The following BPGM variants were observed in gnomAD, a reference collection of about 807,000 sequenced individuals.
The protein encoded by BPGM is 2,3-bisphosphoglycerate mutase, erythrocyte.
A neutral mutation model predicts 21.6 loss-of-function variants in BPGM; 15 were observed. The ratio of observed to expected loss-of-function variants is 0.70; its 90% confidence interval spans 0.47 to 1.07. BPGM has a LOEUF of 1.07. BPGM is among the 50% of genes least tolerant of loss of function. The probability of loss-of-function intolerance (pLI) is 0.00; values close to 1 mark genes in which losing one functional copy is unlikely to be tolerated. For missense variants in BPGM, 273 were observed against 319.0 expected, an observed-to-expected ratio of 0.86 and a Z score of 1.10; for synonymous variants, 113 against 116.2, an observed-to-expected ratio of 0.97 and a Z score of 0.18.
chr7:134,679,132 A>G lies in BPGM; in HGVS notation c.*101A>G. Reference sequence around the variant, plus strand: ...TCTTTTTCCCCGATTTTCCAGAGCTAGGCTGTGGAGTAGAGTTTGTATAGG... The same window carrying G: ...TCTTTTTCCCCGATTTTCCAGAGCTGGGCTGTGGAGTAGAGTTTGTATAGG... On this transcript the variant is annotated 3_prime_UTR_variant, in exon 3 of 3. Transcript: ENST00000344924. The G allele has an allele frequency of 3.7e-6, 5 of 1,348,762 alleles. No individual in the cohort carries two copies. The highest frequency in any genetic ancestry group is 5.2e-6 in the Non-Finnish European group (5 of 968,934). 83.5% of individuals were successfully genotyped at this position (1,348,762 alleles called of 1,614,324 possible). A position where few individuals can be genotyped will look rare whatever the true frequency, so the allele number is the denominator to read the frequency against.
Position 134,661,992 on chromosome 7 carries a change from T to C in BPGM, c.485T>C (p.Leu162Pro). Residue 162 changes from leucine (L) to proline (P), a missense_variant, in exon 2 of 3, where the codon CTG becomes CCG. Leu to Pro is a moderately conservative substitution (Grantham distance 98). Coordinates refer to ENST00000344924, the MANE Select transcript of BPGM (RefSeq NM_001724.5). The surrounding 1 kb of genome is among the most constrained non-coding windows in gnomAD (Gnocchi z 4.6). ...CGGTCGGAAAGCTTAAAGGATGTTC[T>C]GGAGAGACTCCTTCCCTATTGGAAT... ...LPRSESLKDVLERLLPYWNER... is the reference protein window; with the variant it reads ...LPRSESLKDVPERLLPYWNER... The C allele has an allele frequency of 2.5e-6, 4 of 1,614,188 alleles. No homozygotes were observed. Among genetic ancestry groups the C allele is most frequent in the Non-Finnish European group, 3.4e-6 (4 of 1,180,026 alleles).
chr7:134,655,734 A>G (rs1404969436), intron 1 of BPGM, among the ~76,000 whole-genome samples: 2 of 152,176 alleles, frequency 1.3e-5, no homozygotes, highest in Non-Finnish European at 2.9e-5. Context: ...GTTACCACTA[A>G]AACTCTCAAG....
chr7:134,651,540 G>T (rs1486721342), intron 1 of BPGM, among the ~76,000 whole-genome samples: 1 of 152,070 alleles, frequency 6.6e-6, no homozygotes, highest in African/African-American at 2.4e-5. Flanking sequence ...TTTAATGAAG[G>T]AGTAGGAAGC....
chr7:134,656,486 T>G (rs59575083), intron 1 of BPGM, among the ~76,000 whole-genome samples: 22,139 of 152,212 alleles, frequency 0.15, 1,865 homozygotes, highest in African/African-American at 0.21. Context: ...GGAAAGAGGT[T>G]TAAATGATTC....
chr7:134,663,308 G>A (rs1191140169), intron 2 of BPGM, among the ~76,000 whole-genome samples: 1 of 152,100 alleles, frequency 6.6e-6, no homozygotes, highest in Non-Finnish European at 1.5e-5. Context: ...GTCATGCAGA[G>A]ACCTAAAATC....
chr7:134,664,973 T>C (rs1795792200), intron 2 of BPGM, among the ~76,000 whole-genome samples: 1 of 152,200 alleles, frequency 6.6e-6, no homozygotes, highest in African/African-American at 2.4e-5. Flanking sequence ...TGCTGATGGG[T>C]ACAGAGTTTC....
chr7:134,647,827 T>C (rs1562965342), intron 1 of BPGM, among the ~76,000 whole-genome samples: 1 of 152,232 alleles, frequency 6.6e-6, no homozygotes, highest in Non-Finnish European at 1.5e-5. Context: ...GGAGTCTCGC[T>C]CTGTCGCCCA....
chr7:134,659,393 GT>G (rs1795694063), intron 1 of BPGM, among the ~76,000 whole-genome samples: 3 of 117,032 alleles, frequency 2.6e-5, no homozygotes, highest in Non-Finnish European at 5.5e-5. Context: ...GTGTGTGTGT[GT>G]GTGTGTGTGT....
At chr7:134,677,302 A>G (rs1412081708) in intron 2 of BPGM, among the ~76,000 whole-genome samples, 1 of 151,984 alleles carries the variant, frequency 6.6e-6, no homozygotes. Flanking sequence ...AGGTCCAGAG[A>G]AGTTACTTGC....
chr7:134,668,284 C>T (rs1021996393), intron 2 of BPGM, among the ~76,000 whole-genome samples: 11 of 152,292 alleles, frequency 7.2e-5, no homozygotes, highest in Middle Eastern at 3.4e-3. Context: ...ACTCAAAACT[C>T]AGTTCACTGA....
chr7:134,658,275 G>A (rs1266982820), intron 1 of BPGM: 1 of 152,102 alleles, frequency 6.6e-6, no homozygotes, highest in Non-Finnish European at 1.5e-5. Flanking sequence ...AAGTTTCTCT[G>A]TGGTCTGACT....
intron 2 of BPGM, among the ~76,000 whole-genome samples, chr7:134,669,007 CAT>C (rs1009073977): frequency 1.3e-5 from 2 of 152,116 alleles, no homozygotes; most frequent in African/African-American, 4.8e-5. Context: ...TGTCAAAACT[CAT>C]AGAACTGTAT....
intron 1 of BPGM, among the ~76,000 whole-genome samples, chr7:134,653,715 A>G (rs550313798): frequency 2.0e-5 from 3 of 152,166 alleles, no homozygotes; most frequent in Non-Finnish European, 4.4e-5. Flanking sequence ...CTAAGACAAT[A>G]CTGTTCTGTA....
At chr7:134,652,539 A>G (rs1302869428) in intron 1 of BPGM, among the ~76,000 whole-genome samples, 1 of 152,172 alleles carries the variant, frequency 6.6e-6, no homozygotes, top group Non-Finnish European at 1.5e-5. Flanking sequence ...ATAAATTATT[A>G]TCACCCTATT....
intron 2 of BPGM, among the ~76,000 whole-genome samples, chr7:134,677,410 T>C (rs1009051205): frequency 3.9e-5 from 6 of 152,176 alleles, no homozygotes; most frequent in African/African-American, 1.4e-4. Flanking sequence ...TAAGATCCTT[T>C]CCATTTTTCA....
intron 1 of BPGM, among the ~76,000 whole-genome samples, chr7:134,659,382 TG>T (rs1795693683): frequency 9.2e-6 from 1 of 108,886 alleles, no homozygotes; most frequent in Non-Finnish European, 1.9e-5. Flanking sequence ...CGTGTGTGTG[TG>T]TGTGTGTGTG....
intron 1 of BPGM, among the ~76,000 whole-genome samples, chr7:134,659,768 T>C (rs1298123439): frequency 1.3e-5 from 2 of 152,176 alleles, no homozygotes; most frequent in Non-Finnish European, 2.9e-5. Context: ...CACCACCTAA[T>C]GATGTTTCAG....
At chr7:134,648,449 A>G (rs1187800269) in intron 1 of BPGM, among the ~76,000 whole-genome samples, 29 of 151,888 alleles carry the variant, frequency 1.9e-4, no homozygotes, top group Admixed American at 1.8e-3. Context: ...TTTTTTTTGA[A>G]CTGCCTCCCG....
intron 1 of BPGM, among the ~76,000 whole-genome samples, chr7:134,656,968 A>G (rs1795648719): frequency 6.6e-6 from 1 of 152,212 alleles, no homozygotes; most frequent in South Asian, 2.1e-4. Context: ...CAGTGGGGCT[A>G]CAGGCATTGG....
Sources: gnomAD v4.1 joint callset for allele counts (sites outside exome capture counted in the v4.1 genomes callset) on GRCh38, gnomAD v4.1.1 for gene constraint, Gnocchi (gnomAD v3.1) non-coding constraint, MANE v1.5 for transcripts, NCBI Gene and HGNC (gene_info 2026-07-23, HGNC 2026-07-21) for gene names.